IFNG-AS1: variants seen among roughly 807,000 people sequenced by gnomAD.
The protein encoded by IFNG-AS1 is IFNG regulatory antisense RNA 1, also known as IFNG antisense RNA 1 (non-protein coding).
intron 1 of IFNG-AS1, among the ~76,000 whole-genome samples, chr12:67,995,419 CAAAA>C (rs34141511): frequency 3.8e-5 from 3 of 78,630 alleles, no homozygotes; most frequent in South Asian, 1.1e-3. Flanking sequence ...GACTCCATTT[CAAAA>C]AAAAAAAAAA....
At chr12:68,011,068 G>C (rs774385142) in intron 3 of IFNG-AS1, among the ~76,000 whole-genome samples, 1 of 152,136 alleles carries the variant, frequency 6.6e-6, no homozygotes, top group African/African-American at 2.4e-5. Context: ...AGTCCATTTG[G>C]GCACAGTCCT....
intron 2 of IFNG-AS1, among the ~76,000 whole-genome samples, chr12:68,000,907 G>A (rs151226138): frequency 7.0e-4 from 106 of 152,146 alleles, no homozygotes; most frequent in African/African-American, 2.5e-3. Context: ...CGAATTTTAT[G>A]TACAGATATA....
At chr12:67,999,649 T>A (rs1035165616) in intron 2 of IFNG-AS1, among the ~76,000 whole-genome samples, 1 of 152,102 alleles carries the variant, frequency 6.6e-6, no homozygotes, top group African/African-American at 2.4e-5. Flanking sequence ...ATGAAATAAC[T>A]AGCAAATGGG....
chr12:68,018,383 A>G (rs1395236427), intron 3 of IFNG-AS1, among the ~76,000 whole-genome samples: 1 of 152,176 alleles, frequency 6.6e-6, no homozygotes, highest in Non-Finnish European at 1.5e-5. Context: ...CAGGGAACTC[A>G]TCTCACAATC....
intron 3 of IFNG-AS1, among the ~76,000 whole-genome samples, chr12:68,009,852 G>A (rs1224775948): frequency 6.6e-6 from 1 of 152,160 alleles, no homozygotes; most frequent in East Asian, 1.9e-4. Context: ...TGTGGTCAGA[G>A]CTAAGAATTC....
intron 1 of IFNG-AS1, among the ~76,000 whole-genome samples, chr12:67,990,189 G>A (rs1188955573): frequency 1.3e-5 from 2 of 152,050 alleles, no homozygotes; most frequent in African/African-American, 4.8e-5. Flanking sequence ...CTTTTGTTTT[G>A]TTCTGTATTT....
At chr12:68,008,203 T>G (rs532571534) in intron 3 of IFNG-AS1, among the ~76,000 whole-genome samples, 1 of 152,048 alleles carries the variant, frequency 6.6e-6, no homozygotes, top group South Asian at 2.1e-4. Flanking sequence ...GATCATGAGG[T>G]CAGGAGATCG....
intron 1 of IFNG-AS1, among the ~76,000 whole-genome samples, chr12:67,993,993 G>C (rs1879575829): frequency 6.6e-6 from 1 of 152,130 alleles, no homozygotes; most frequent in South Asian, 2.1e-4. Context: ...GTAATAACAA[G>C]TTATTATTTT....
At chr12:67,996,532 C>T (rs1879645919) in intron 2 of IFNG-AS1, among the ~76,000 whole-genome samples, 1 of 152,168 alleles carries the variant, frequency 6.6e-6, no homozygotes, top group South Asian at 2.1e-4. Context: ...ATCTATGTAG[C>T]TGTGTGTCCC....
intron 1 of IFNG-AS1, among the ~76,000 whole-genome samples, chr12:67,989,802 G>A (rs974355883): frequency 2.0e-5 from 3 of 152,132 alleles, no homozygotes; most frequent in South Asian, 2.1e-4. Flanking sequence ...ACTGAGCTCA[G>A]GGGGATGAAT....
chr12:67,993,155 A>T (rs978322380), intron 1 of IFNG-AS1, among the ~76,000 whole-genome samples: 10 of 152,178 alleles, frequency 6.6e-5, no homozygotes, highest in African/African-American at 2.4e-4. Context: ...TTTTTACAGA[A>T]AAGAATTTCT....
intron 2 of IFNG-AS1, among the ~76,000 whole-genome samples, chr12:67,998,060 T>C (rs1055054565): frequency 1.3e-5 from 2 of 151,600 alleles, no homozygotes; most frequent in African/African-American, 4.8e-5. Flanking sequence ...GTACAAGCTT[T>C]ATAGAGGGAA....
intron 2 of IFNG-AS1, among the ~76,000 whole-genome samples, chr12:68,005,551 A>T (rs903069274): frequency 2.6e-5 from 4 of 152,218 alleles, no homozygotes; most frequent in African/African-American, 9.7e-5. Flanking sequence ...TACAAATCCA[A>T]TATGTTAACT....
At chr12:67,989,685 A>G (rs10784664) in intron 1 of IFNG-AS1, 39,629 of 151,968 alleles carry the variant, frequency 0.26, 6,227 homozygotes, top group East Asian at 0.72. Flanking sequence ...AGGAGAACCA[A>G]CTGTAAGTGG....
At chr12:68,013,571 T>C (rs993149072) in intron 3 of IFNG-AS1, 1 of 152,260 alleles carries the variant, frequency 6.6e-6, no homozygotes, top group Non-Finnish European at 1.5e-5. Flanking sequence ...GTTAATTGTA[T>C]GTGTTCCCTT....
At chr12:68,010,622 C>A (rs755329390) in intron 3 of IFNG-AS1, among the ~76,000 whole-genome samples, 1 of 152,162 alleles carries the variant, frequency 6.6e-6, no homozygotes, top group Non-Finnish European at 1.5e-5. Context: ...TTAATGAACT[C>A]TTGCTGACCA....
intron 3 of IFNG-AS1, among the ~76,000 whole-genome samples, chr12:68,015,950 G>T (rs1395756362): frequency 6.6e-6 from 1 of 151,166 alleles, no homozygotes; most frequent in Non-Finnish European, 1.5e-5. Flanking sequence ...AGACGGGGGG[G>T]GGAAAAAAAA....
At position 67,990,043 on chromosome 12, in the gene IFNG-AS1, A is replaced by T. The variant is rs1437776453; in HGVS notation, n.51+464A>T. ...TAAAATGAATTCAGAGAAGTTGTTC[A>T]AGGTGGTGAGTGCCATGTCACATAT... On this transcript the variant is annotated intron_variant and non_coding_transcript_variant, in intron 1 of 5. Coordinates refer to ENST00000536914, the Ensembl canonical transcript of IFNG-AS1. 2.0e-5 allele frequency among the ~76,000 whole-genome samples: 3 copies of T among 152,328 alleles called. No individual in the cohort carries two copies. In the East Asian group the frequency reaches 5.8e-4, roughly 29 times the overall value.
chr12:67,998,697 A>G (rs1879698584), intron 2 of IFNG-AS1, among the ~76,000 whole-genome samples: 1 of 152,120 alleles, frequency 6.6e-6, no homozygotes, highest in African/African-American at 2.4e-5. Context: ...ACAAACAATA[A>G]CAAATGAGCC....
Sources: gnomAD v4.1 joint callset for allele counts (sites outside exome capture counted in the v4.1 genomes callset) on GRCh38, gnomAD v4.1.1 for gene constraint, MANE v1.5 for transcripts, NCBI Gene and HGNC (gene_info 2026-07-23, HGNC 2026-07-21) for gene names.